The following DPP10 variants were observed in gnomAD, a reference collection of about 807,000 sequenced individuals.
DPP10 encodes inactive dipeptidyl peptidase 10.
Under a neutral mutation model 120.9 loss-of-function variants are expected in DPP10, and 33 were observed. The ratio of observed to expected loss-of-function variants is 0.27; its 90% CI spans 0.21 to 0.37. DPP10 has a LOEUF of 0.37. DPP10 is among the 10% of genes least tolerant of loss of function. DPP10 has a pLI of 1.00. For missense variants in DPP10, 816 were observed against 942.8 expected (o/e 0.87, Z 1.76); for synonymous variants, 337 against 326.1 (o/e 1.03, Z -0.36).
At chr2:115,764,737 G>C (rs1033540262) in intron 12 of DPP10, among the ~76,000 whole-genome samples, 5 of 151,988 alleles carry the variant, frequency 3.3e-5, no homozygotes, top group Non-Finnish European at 7.4e-5. Context: ...AAATGCCATT[G>C]GTCGTTTATC....
chr2:115,669,692 G>A (rs2089722072), intron 5 of DPP10, among the ~76,000 whole-genome samples: 1 of 151,978 alleles, frequency 6.6e-6, no homozygotes, highest in East Asian at 1.9e-4. Flanking sequence ...AATAATGTTT[G>A]CTTCTGTTCC....
intron 1 of DPP10, among the ~76,000 whole-genome samples, chr2:114,594,539 A>G (rs1189902986): frequency 7.0e-6 from 1 of 143,648 alleles, no homozygotes; most frequent in South Asian, 2.2e-4. Flanking sequence ...AAGGAAGTAT[A>G]TATTATATAT....
intron 5 of DPP10, among the ~76,000 whole-genome samples, chr2:115,601,035 T>A (rs2083290545): frequency 1.3e-5 from 2 of 152,166 alleles, no homozygotes; most frequent in South Asian, 4.2e-4. Flanking sequence ...TTTATGCCTA[T>A]TCACCTGCTT....
At chr2:115,270,238 G>A (rs2059641486) in intron 1 of DPP10, among the ~76,000 whole-genome samples, 1 of 152,120 alleles carries the variant, frequency 6.6e-6, no homozygotes, top group Admixed American at 6.5e-5. Flanking sequence ...GGGTATGGAT[G>A]TATTGGTCAG....
chr2:114,664,969 C>T (rs892737926), intron 1 of DPP10, among the ~76,000 whole-genome samples: 1 of 147,934 alleles, frequency 6.8e-6, no homozygotes, highest in Non-Finnish European at 1.5e-5. Context: ...ATAGAGCATC[C>T]AAAAGATGGC....
chr2:114,667,757 G>T (rs1430849248), intron 1 of DPP10, among the ~76,000 whole-genome samples: 1 of 152,108 alleles, frequency 6.6e-6, no homozygotes, highest in East Asian at 1.9e-4. Context: ...TTTTTACAAA[G>T]AACTAAATTG....
At chr2:114,787,653 T>C (rs1682876868) in intron 1 of DPP10, among the ~76,000 whole-genome samples, 1 of 152,186 alleles carries the variant, frequency 6.6e-6, no homozygotes, top group Non-Finnish European at 1.5e-5. Flanking sequence ...ACCCTTTACG[T>C]GCCTTGAGCC....
intron 1 of DPP10, among the ~76,000 whole-genome samples, chr2:114,974,521 GA>G (rs1279940765): frequency 2.0e-5 from 3 of 150,936 alleles, no homozygotes; most frequent in Non-Finnish European, 4.4e-5. Flanking sequence ...GGGTTCAAGC[GA>G]TTTTCCTGCC....
At chr2:115,632,628 G>T (rs145638107) in intron 5 of DPP10, among the ~76,000 whole-genome samples, 1 of 152,028 alleles carries the variant, frequency 6.6e-6, no homozygotes, top group Non-Finnish European at 1.5e-5. Context: ...GTGAAATTCT[G>T]GGTTGGAAAT....
At chr2:115,666,646 T>C (rs1294336808) in intron 5 of DPP10, among the ~76,000 whole-genome samples, 2 of 152,212 alleles carry the variant, frequency 1.3e-5, no homozygotes, top group Non-Finnish European at 2.9e-5. Context: ...ATTTTCTTTG[T>C]TTAGTCTCCT....
chr2:114,999,792 C>T (rs896819708), intron 1 of DPP10, among the ~76,000 whole-genome samples: 20 of 152,128 alleles, frequency 1.3e-4, no homozygotes, highest in Admixed American at 1.2e-3. Context: ...CCAGAAGATG[C>T]TGCATCTTGT....
rs114998890 is a variant in DPP10, at chr2:114,751,657, C to T, written c.60+308819C>T. Among the ~76,000 whole-genome samples, 226 of 152,284 alleles carry T rather than the reference C, an allele frequency of 1.5e-3. 2 individuals carry two copies. Among genetic ancestry groups the T allele is most frequent in the African/African-American group, 5.2e-3 (216 of 41,558 alleles). On this transcript the variant is annotated intron_variant, in intron 1 of 25. Transcript: ENST00000410059. Reference sequence around the variant, plus strand: ...CACCAATGAGCTAGCAGAAGGTTAACGAGGGCAGAGCATATAGAAACAGGT... The same window carrying T: ...CACCAATGAGCTAGCAGAAGGTTAATGAGGGCAGAGCATATAGAAACAGGT...
At chr2:115,321,055 T>C (rs2062031920) in intron 2 of DPP10, among the ~76,000 whole-genome samples, 1 of 152,174 alleles carries the variant, frequency 6.6e-6, no homozygotes, top group Non-Finnish European at 1.5e-5. Flanking sequence ...ATCCCAGCAC[T>C]TTGGGAGGCT....
Position 115,816,695 on chromosome 2 carries a change from C to G in DPP10, c.1950+966C>G, listed in dbSNP as rs545440847. Among the ~76,000 whole-genome samples the G allele has an allele frequency of 1.3e-4, 20 of 148,152 alleles. No individual in the cohort carries two copies. In the East Asian group the frequency reaches 3.9e-3, roughly 29 times the overall value. On this transcript the variant is annotated intron_variant, in intron 21 of 25. Transcript: ENST00000410059. ...GCAGTGGCGCGATCTGGGCTCACTG[C>G]AACCTCCACCTCCCAGGTTCAAGCG... is the stretch of plus-strand genomic sequence containing the variant.
intron 1 of DPP10, among the ~76,000 whole-genome samples, chr2:114,663,766 C>T (rs553639216): frequency 1.3e-5 from 2 of 151,328 alleles, no homozygotes; most frequent in East Asian, 3.9e-4. Flanking sequence ...CACTTGCTAG[C>T]TGTGTGACCA....
chr2:114,463,346 A>G (rs965920082), intron 1 of DPP10: 1 of 152,122 alleles, frequency 6.6e-6, no homozygotes, highest in African/African-American at 2.4e-5. Flanking sequence ...AAAACTGAGA[A>G]AATTGGATCT....
At chr2:114,587,840 G>T (rs1460737143) in intron 1 of DPP10, among the ~76,000 whole-genome samples, 1 of 152,180 alleles carries the variant, frequency 6.6e-6, no homozygotes, top group African/African-American at 2.4e-5. Context: ...CTAGAAACAG[G>T]TATTGTCTTT....
chr2:115,775,449 C>T (rs571015957), intron 13 of DPP10, among the ~76,000 whole-genome samples: 1 of 151,380 alleles, frequency 6.6e-6, no homozygotes, highest in East Asian at 1.9e-4. Context: ...CATTGATAAA[C>T]TTGAAGTTTA....
At chr2:115,333,161 C>T (rs1285295790) in intron 2 of DPP10, among the ~76,000 whole-genome samples, 1 of 151,940 alleles carries the variant, frequency 6.6e-6, no homozygotes, top group South Asian at 2.1e-4. Flanking sequence ...TGAATTGATC[C>T]CTTTACCATT....
Sources: gnomAD v4.1 joint callset for allele counts (sites outside exome capture counted in the v4.1 genomes callset) on GRCh38, gnomAD v4.1.1 for gene constraint, MANE v1.5 for transcripts, NCBI Gene and HGNC (gene_info 2026-07-23, HGNC 2026-07-21) for gene names.